DACH1: variants seen among roughly 807,000 people sequenced by gnomAD.
The protein encoded by DACH1 is dachshund family transcription factor 1, also known as dachshund homolog 1.
In DACH1, 12 loss-of-function variants were observed where a neutral mutation model predicts 54.2. The ratio of observed to expected loss-of-function variants is 0.22; its 90% CI spans 0.14 to 0.36. The LOEUF (loss-of-function observed/expected upper bound fraction) is 0.36. Among genes scored for constraint, DACH1 ranks in the 10% least tolerant of loss-of-function variants. The probability of loss-of-function intolerance (pLI) is 1.00; values close to 1 mark genes in which losing one functional copy is unlikely to be tolerated. For missense variants in DACH1, 805 were observed against 929.8 expected (o/e 0.87, Z 1.75); for synonymous variants, 386 against 366.2 (o/e 1.05, Z -0.62).
intron 10 of DACH1, among the ~76,000 whole-genome samples, chr13:71,441,516 T>C (rs1170387391): frequency 1.3e-5 from 2 of 152,080 alleles, no homozygotes. Context: ...TTGTCTAATA[T>C]ATGTCTGAAA....
intron 1 of DACH1, among the ~76,000 whole-genome samples, chr13:71,748,040 T>C (rs1566476053): frequency 1.3e-5 from 2 of 152,062 alleles, no homozygotes; most frequent in Non-Finnish European, 2.9e-5. Context: ...CTTCCAACTA[T>C]AAAAAGATTA....
Position 71,681,843 on chromosome 13 carries a change from G to T in DACH1, c.916C>A (p.Pro306Thr). ...VTSPENSHIM[P>T]HSVPGLMSPG... ...GACATGAGACCAGGGACAGAATGCG[G>T]CATGATGTGAGAGTTCTCTGGGGAG... The change falls in exon 2 of 11, where the codon CCG becomes ACG. Residue 306 changes from proline (P) to threonine (T), a missense_variant. Coordinates refer to ENST00000613252, the MANE Select transcript of DACH1 (RefSeq NM_080759.6). The T allele has an allele frequency of 6.2e-7, 1 of 1,613,950 alleles. No homozygotes were observed. The highest frequency in any genetic ancestry group is 2.2e-5 in the East Asian group (1 of 44,850).
At chr13:71,848,210 C>G (rs1240595205) in intron 1 of DACH1, among the ~76,000 whole-genome samples, 2 of 122,374 alleles carry the variant, frequency 1.6e-5, no homozygotes, top group African/African-American at 7.7e-5. Flanking sequence ...CCATTATCCC[C>G]CCCCAAAAAA....
At chr13:71,594,133 A>G (rs1390251323) in intron 3 of DACH1, among the ~76,000 whole-genome samples, 1 of 151,476 alleles carries the variant, frequency 6.6e-6, no homozygotes, top group Non-Finnish European at 1.5e-5. Context: ...AATGCTGTGT[A>G]TTAAAATAAT....
At chr13:71,460,426 A>C (rs118024040) in intron 10 of DACH1, among the ~76,000 whole-genome samples, 152 of 152,174 alleles carry the variant, frequency 1.0e-3, no homozygotes, top group Non-Finnish European at 2.0e-3. Context: ...AACTAAGCTA[A>C]ATACTATTCC....
chr13:71,676,569 G>T (rs1281448490), intron 2 of DACH1, among the ~76,000 whole-genome samples: 1 of 152,084 alleles, frequency 6.6e-6, no homozygotes, highest in South Asian at 2.1e-4. Flanking sequence ...AATGTTTAAT[G>T]CATTTAAACT....
rs556835224 is a variant in DACH1, at chr13:71,808,042, A to G, written c.848+57880T>C. On this transcript the variant is annotated intron_variant, in intron 1 of 10. Transcript: ENST00000613252. ...TCCCCTGCTTAATATCCTTACACAT[A>G]AGATTCTTTGTGATCTGACCATTAC... is the stretch of plus-strand genomic sequence containing the variant. Among the ~76,000 whole-genome samples, 22 of 152,248 alleles carry G rather than the reference A, an allele frequency of 1.4e-4. No individual in the cohort carries two copies. In the South Asian group the frequency reaches 4.6e-3, roughly 32 times the overall value.
At position 71,545,516 on chromosome 13, in the gene DACH1, A is replaced by C. The variant is rs955628996; in HGVS notation, c.1570+11508T>G. 8.6e-5 allele frequency among the ~76,000 whole-genome samples: 13 copies of C among 150,648 alleles called. No individual in the cohort carries two copies. In the South Asian group the frequency reaches 2.9e-3, roughly 34 times the overall value. ...TAAATAAAGATAGAAAGAAAGAAGA[A>C]AAGAAGAAAGGAAGGAAGAAGGGAG... On this transcript the variant is annotated intron_variant, in intron 6 of 10. Transcript: ENST00000613252.
intron 6 of DACH1, among the ~76,000 whole-genome samples, chr13:71,509,629 G>T (rs376590525): frequency 1.3e-5 from 2 of 152,172 alleles, no homozygotes; most frequent in East Asian, 3.9e-4. Flanking sequence ...ATGGGTCCTA[G>T]AGCTGGTTTT....
chr13:71,816,221 T>C (rs1308959322), intron 1 of DACH1, among the ~76,000 whole-genome samples: 1 of 151,846 alleles, frequency 6.6e-6, no homozygotes, highest in Non-Finnish European at 1.5e-5. Context: ...AGAAACACAG[T>C]CAGGGGTTTC....
chr13:71,566,217 A>C (rs1884886643), intron 4 of DACH1, among the ~76,000 whole-genome samples: 1 of 152,152 alleles, frequency 6.6e-6, no homozygotes, highest in African/African-American at 2.4e-5. Flanking sequence ...TGATGAGTCT[A>C]ATTCATCCCA....
chr13:71,795,681 A>C (rs1025059284), intron 1 of DACH1, among the ~76,000 whole-genome samples: 2 of 152,160 alleles, frequency 1.3e-5, no homozygotes, highest in Admixed American at 1.3e-4. Flanking sequence ...AAACAAAACA[A>C]ATCAGACTTT....
intron 2 of DACH1, among the ~76,000 whole-genome samples, chr13:71,657,123 A>C (rs1483038167): frequency 6.6e-6 from 1 of 151,218 alleles, no homozygotes; most frequent in Non-Finnish European, 1.5e-5. Context: ...CAACTAACTA[A>C]CCTGAGACTT....
intron 6 of DACH1, among the ~76,000 whole-genome samples, chr13:71,500,962 G>C (rs1593795237): frequency 1.3e-5 from 2 of 152,046 alleles, no homozygotes; most frequent in South Asian, 2.1e-4. Context: ...CTTAACTTAA[G>C]CATTCATTTC....
intron 3 of DACH1, among the ~76,000 whole-genome samples, chr13:71,630,168 T>C (rs1399683968): frequency 6.6e-6 from 1 of 152,176 alleles, no homozygotes; most frequent in Admixed American, 6.6e-5. Flanking sequence ...GTAAGTTTCT[T>C]ACTTGATAAC....
intron 1 of DACH1, among the ~76,000 whole-genome samples, chr13:71,694,299 C>T (rs1369202491): frequency 6.6e-6 from 1 of 152,038 alleles, no homozygotes; most frequent in African/African-American, 2.4e-5. Flanking sequence ...CAAATTCAGA[C>T]ACCAACTCCA....
chr13:71,608,787 T>C (rs1001034321), intron 3 of DACH1, among the ~76,000 whole-genome samples: 2 of 152,136 alleles, frequency 1.3e-5, no homozygotes, highest in African/African-American at 4.8e-5. Context: ...AATTATTTCA[T>C]GCTCTGTGCC....
At chr13:71,666,500 T>C (rs1340760639) in intron 2 of DACH1, among the ~76,000 whole-genome samples, 1 of 152,198 alleles carries the variant, frequency 6.6e-6, no homozygotes. Flanking sequence ...TCTTTGAATA[T>C]ACTAATTGGG....
intron 1 of DACH1, among the ~76,000 whole-genome samples, chr13:71,682,721 G>C (rs1310417687): frequency 6.6e-6 from 1 of 151,966 alleles, no homozygotes; most frequent in Non-Finnish European, 1.5e-5. Flanking sequence ...TGTACCTTTA[G>C]GATAAATAAA....
Sources: allele counts gnomAD v4.1 joint callset (sites outside exome capture counted in the v4.1 genomes callset), GRCh38; gene constraint gnomAD v4.1.1; transcripts MANE v1.5; gene names NCBI Gene and HGNC (gene_info 2026-07-23, HGNC 2026-07-21).